NUS1: variants seen among roughly 807,000 people sequenced by gnomAD.
The protein encoded by NUS1 is NUS1 dehydrodolichyl diphosphate synthase subunit.
For missense variants in NUS1, 292 were observed against 382.9 expected (o/e 0.76, Z 1.98); for synonymous variants, 135 against 155.2 (o/e 0.87, Z 0.97).
At chr6:117,693,691 C>T (rs1052747246) in intron 2 of NUS1, among the ~76,000 whole-genome samples, 3 of 152,076 alleles carry the variant, frequency 2.0e-5, no homozygotes, top group East Asian at 1.9e-4. Flanking sequence ...CTAACGATAT[C>T]GCAATTATAC....
chr6:117,687,036 A>T (rs572390757), intron 1 of NUS1, among the ~76,000 whole-genome samples: 1 of 152,180 alleles, frequency 6.6e-6, no homozygotes, highest in Non-Finnish European at 1.5e-5. Context: ...ACTCTTAGCA[A>T]TTCTCAGAAA....
intron 3 of NUS1, among the ~76,000 whole-genome samples, chr6:117,701,245 CTTT>C (rs1181868381): frequency 1.3e-4 from 16 of 120,640 alleles, no homozygotes; most frequent in Non-Finnish European, 1.4e-4. Flanking sequence ...TTCTAATTTT[CTTT>C]TTTTTTTTTT....
At chr6:117,676,448 T>G (rs1772982754) in intron 1 of NUS1, among the ~76,000 whole-genome samples, 1 of 152,028 alleles carries the variant, frequency 6.6e-6, no homozygotes, top group Admixed American at 6.6e-5. Context: ...CGTGGTGGCA[T>G]ATGCCTGTAA....
intron 3 of NUS1, among the ~76,000 whole-genome samples, chr6:117,701,295 A>C (rs1245378069): frequency 7.2e-6 from 1 of 139,500 alleles, no homozygotes; most frequent in African/African-American, 2.7e-5. Flanking sequence ...CCCAGGCTGG[A>C]GTGCAGTGGT....
In NUS1 at chr6:117,706,906, C is replaced by T. The variant is rs374744834; in HGVS notation, c.792-19C>T. On this transcript the variant is annotated intron_variant, in intron 4 of 4. Coordinates refer to ENST00000368494, the MANE Select transcript of NUS1 (RefSeq NM_138459.5). ...AGTGTATATCTAATTGCTTTTCTCC[C>T]CCCGTGTTTTCTTTTCAGCTCTTTG... 1 of 1,601,382 alleles carries T rather than the reference C, an allele frequency of 6.2e-7. No homozygotes were observed. Among genetic ancestry groups the T allele is most frequent in the Non-Finnish European group, 8.6e-7 (1 of 1,168,872 alleles).
intron 1 of NUS1, among the ~76,000 whole-genome samples, chr6:117,689,952 A>G (rs1773192934): frequency 6.6e-6 from 1 of 152,202 alleles, no homozygotes; most frequent in Admixed American, 6.5e-5. Context: ...TCTAACTTGT[A>G]TAGATAGTTG....
chr6:117,705,987 A>G (rs1773494443), intron 4 of NUS1, among the ~76,000 whole-genome samples: 1 of 152,128 alleles, frequency 6.6e-6, no homozygotes, highest in Admixed American at 6.5e-5. Context: ...AGTCCTTTCA[A>G]GGTAGGTTTG....
intron 1 of NUS1, among the ~76,000 whole-genome samples, chr6:117,686,516 C>T (rs1344136402): frequency 1.3e-5 from 2 of 152,078 alleles, no homozygotes; most frequent in Non-Finnish European, 2.9e-5. Context: ...TCTTTTTCCT[C>T]ACCTGTAAAA....
intron 1 of NUS1, among the ~76,000 whole-genome samples, chr6:117,678,609 T>G (rs538297094): frequency 1.3e-5 from 2 of 151,956 alleles, no homozygotes; most frequent in East Asian, 3.9e-4. Context: ...ATAGGCCATG[T>G]GGATATGTAA....
Position 117,707,170 on chromosome 6 carries a change from A to AGTGT in NUS1, c.*165_*168dup. On this transcript the variant is annotated 3_prime_UTR_variant, in exon 5 of 5. Transcript: ENST00000368494. ...CAAAAAAGTGTCTTACTTGAGAGTG[A>AGTGT]GTGTGTGTGTGTGCGTGTGCACGTG... 2 of 662,816 alleles carry AGTGT rather than the reference A, an allele frequency of 3.0e-6. No individual in the cohort carries two copies. Among genetic ancestry groups the AGTGT allele is most frequent in the South Asian group, 1.7e-5 (1 of 58,878 alleles). 41.1% of individuals were successfully genotyped at this position (662,816 alleles called of 1,614,324 possible). A position where few individuals can be genotyped will look rare whatever the true frequency, so the allele number is the denominator to read the frequency against.
At chr6:117,704,020 G>C (rs1181860665) in intron 4 of NUS1, among the ~76,000 whole-genome samples, 1 of 152,108 alleles carries the variant, frequency 6.6e-6, no homozygotes, top group African/African-American at 2.4e-5. Context: ...AAGGCGAGAA[G>C]GGGGGAAAAA....
At chr6:117,689,950 G>A (rs1332704234) in intron 1 of NUS1, among the ~76,000 whole-genome samples, 7 of 152,166 alleles carry the variant, frequency 4.6e-5, no homozygotes, top group Admixed American at 3.3e-4. Context: ...GGTCTAACTT[G>A]TATAGATAGT....
At chr6:117,676,230 T>A in intron 1 of NUS1, 145 bp downstream of exon 1, 1 of 1,260,494 alleles carries the variant, frequency 7.9e-7, no homozygotes, top group Non-Finnish European at 1.1e-6. Context: ...GAGATCAGCT[T>A]TATTGAACAC....
rs146771267 is a variant in NUS1, at chr6:117,692,838, C to CT, written c.416-196dup. Among the ~76,000 whole-genome samples the CT allele has an allele frequency of 4.5e-3, 680 of 151,932 alleles. 8 individuals carry two copies. Among genetic ancestry groups the CT allele is most frequent in the African/African-American group, 0.015 (615 of 41,504 alleles). The stretch of plus-strand genomic sequence containing the variant: ...CACTACTTAAGTAGTTACCTCTGTT[C>CT]TTTTTTTTGCTGGAAGCCAGACTCT... On this transcript the variant is annotated intron_variant, in intron 1 of 4. Coordinates refer to ENST00000368494, the MANE Select transcript of NUS1 (RefSeq NM_138459.5).
chr6:117,690,034 A>G (rs1456252174), intron 1 of NUS1, among the ~76,000 whole-genome samples: 1 of 152,192 alleles, frequency 6.6e-6, no homozygotes, highest in Non-Finnish European at 1.5e-5. Flanking sequence ...CTTTTTATAT[A>G]CATGTGAATT....
chr6:117,675,748 C>A lies in NUS1; in HGVS notation c.78C>A (p.Leu26=). Residue 26 remains leucine, a synonymous_variant, in exon 1 of 5, where the codon CTC becomes CTA. Coordinates refer to ENST00000368494, the MANE Select transcript of NUS1 (RefSeq NM_138459.5). ...TGCACCGCACGCTCACCTCCTGGCT[C>A]CGCGTTCGGTTCGGCACCTGGAACT... is the stretch of plus-strand genomic sequence containing the variant. ...LCLHRTLTSW[L]RVRFGTWNWI... is the part of the protein sequence containing the mutation. 6.5e-7 allele frequency: 1 copy of A among 1,548,984 alleles called. No individual in the cohort carries two copies. Among genetic ancestry groups the A allele is most frequent in the Non-Finnish European group, 8.7e-7 (1 of 1,151,434 alleles).
Position 117,706,929 on chromosome 6 carries a change from T to C in NUS1, c.796T>C (p.Leu266=), listed in dbSNP as rs1469555168. ...CCCCCCGTGTTTTCTTTTCAGCTCT[T>C]TGCCTTCCCACCTAAACATCAGTTA... The part of the protein sequence containing the change: ...WHIRLTEIVS[L]PSHLNISYED... Residue 266 remains leucine, a synonymous_variant, in exon 5 of 5, where the codon TTG becomes CTG. Coordinates refer to ENST00000368494, the MANE Select transcript of NUS1 (RefSeq NM_138459.5). 5.8e-5 allele frequency: 93 copies of C among 1,612,322 alleles called. No homozygotes were observed. The highest frequency in any genetic ancestry group is 7.7e-5 in the Non-Finnish European group (91 of 1,178,698).
chr6:117,676,095 G>C lies in NUS1; in HGVS notation c.415+10G>C. The C allele has an allele frequency of 6.4e-7, 1 of 1,550,612 alleles. No homozygotes were observed. The highest frequency in any genetic ancestry group is 8.7e-7 in the Non-Finnish European group (1 of 1,147,126). On this transcript the variant is annotated intron_variant, in intron 1 of 4. Coordinates refer to ENST00000368494, the MANE Select transcript of NUS1 (RefSeq NM_138459.5). ...GTCTACGACCACCAAGGTGAGGCCC[G>C]GTGCGGTGGTGGGGGGTGGCCGAGG... is the stretch of plus-strand genomic sequence containing the variant.
At chr6:117,699,444 T>A (rs892541117) in intron 3 of NUS1, among the ~76,000 whole-genome samples, 1 of 152,054 alleles carries the variant, frequency 6.6e-6, no homozygotes, top group Non-Finnish European at 1.5e-5. Context: ...AAGTGAAAGA[T>A]CTCTACAATG....
Sources: gnomAD v4.1 joint callset for allele counts (sites outside exome capture counted in the v4.1 genomes callset) on GRCh38, gnomAD v4.1.1 for gene constraint, MANE v1.5 for transcripts, NCBI Gene and HGNC (gene_info 2026-07-23, HGNC 2026-07-21) for gene names.